The following ARSL variants were observed in gnomAD, a reference collection of about 807,000 sequenced individuals.
ARSL encodes arylsulfatase L.
Under a neutral mutation model 31.1 loss-of-function variants are expected in ARSL, and 4 were observed. The observed-to-expected ratio is 0.13, with a 90% CI of 0.06 to 0.29. The LOEUF (loss-of-function observed/expected upper bound fraction) is 0.29, where lower values mean the gene tolerates loss of function less well. ARSL is among the 10% of genes least tolerant of loss of function. The pLI, the probability that ARSL is intolerant of heterozygous loss-of-function variation, is 1.00. For synonymous variants in ARSL, 198 were observed against 209.9 expected, an observed-to-expected ratio of 0.94 and a Z score of 0.49; for missense variants, 312 against 497.8, an observed-to-expected ratio of 0.63 and a Z score of 3.55.
At chrX:2,959,262 G>C (rs1603462383) in intron 2 of ARSL, among the ~76,000 whole-genome samples, 1 of 111,888 alleles carries the variant, frequency 8.9e-6, no homozygotes, top group East Asian at 2.8e-4. Flanking sequence ...GTAGCACACA[G>C]ATGAAAATAC....
chrX:2,961,416 CCTAT>C (rs2089632065), intron 1 of ARSL, among the ~76,000 whole-genome samples: 2 of 111,444 alleles, frequency 1.8e-5, no homozygotes, highest in South Asian at 3.8e-4. Context: ...TGCCCAAATT[CCTAT>C]CTAAGGGGTC....
chrX:2,962,811 CAA>C (rs1191573129), intron 1 of ARSL, among the ~76,000 whole-genome samples: 6 of 110,811 alleles, frequency 5.4e-5, no homozygotes, highest in Admixed American at 2.9e-4. Flanking sequence ...CCATTCTAGT[CAA>C]AGTCCCCCCT....
chrX:2,959,232 A>T (rs763051107), intron 2 of ARSL, among the ~76,000 whole-genome samples: 1 of 111,644 alleles, frequency 9.0e-6, no homozygotes, highest in Non-Finnish European at 1.9e-5. Context: ...TTCTGAGTCT[A>T]TGAAAACCCT....
At chrX:2,954,072 T>C (rs2089494535) in intron 4 of ARSL, among the ~76,000 whole-genome samples, 1 of 111,217 alleles carries the variant, frequency 9.0e-6, no homozygotes, top group African/African-American at 3.3e-5. Flanking sequence ...CTAAAGGTTC[T>C]CAAAGTTGTC....
chrX:2,965,530 T>C (rs1439883378), upstream of ARSL, among the ~76,000 whole-genome samples: 3 of 89,518 alleles, frequency 3.4e-5, no homozygotes, highest in Non-Finnish European at 6.9e-5. Flanking sequence ...ATAATAAACA[T>C]AAGATAAAAA....
chrX:2,939,355 T>C (rs1043335436), intron 8 of ARSL, among the ~76,000 whole-genome samples: 2 of 112,251 alleles, frequency 1.8e-5, no homozygotes, highest in Non-Finnish European at 3.8e-5. Flanking sequence ...CTGAGACACG[T>C]TGATCTCAAA....
chrX:2,959,945 A>G (rs866092665), intron 2 of ARSL: 13 of 196,117 alleles, frequency 6.6e-5, no homozygotes, highest in South Asian at 2.5e-4. Flanking sequence ...GAGAGAGAGA[A>G]AGAAAGAAAG....
At chrX:2,960,217 C>G (rs752194853) in intron 2 of ARSL, among the ~76,000 whole-genome samples, 161 bp downstream of exon 2, 4 of 66,852 alleles carry the variant, frequency 6.0e-5, no homozygotes, top group South Asian at 1.1e-3. Context: ...TGCAGTGAGC[C>G]GAGATCGCGC....
At chrX:2,964,519 G>T (rs1304446424), upstream of ARSL, 23 of 736,834 alleles carry the variant, frequency 3.1e-5, no homozygotes, top group South Asian at 2.8e-4. Flanking sequence ...GTTTTGCCAT[G>T]TGGCCTAGGC....
At chrX:2,949,265 A>G (rs1410576980) in intron 6 of ARSL, 39 bp downstream of exon 6, 1 of 1,204,973 alleles carries the variant, frequency 8.3e-7, no homozygotes, top group Non-Finnish European at 1.1e-6. Flanking sequence ...TTCATTCCAA[A>G]GCTGAGTGCT....
In ARSL at chrX:2,960,159, C is replaced by T. The variant is rs371689942; in HGVS notation, c.23+219G>A. Among the ~76,000 whole-genome samples, 51 of 83,047 alleles carry T rather than the reference C, an allele frequency of 6.1e-4. 2 individuals are homozygous for T. In the East Asian group the frequency reaches 0.012, roughly 19 times the overall value. The allele number at this position is 83,047 out of a possible 115,157, so 72.1% of individuals were successfully genotyped here. A position where few individuals can be genotyped will look rare whatever the true frequency, so the allele number is the denominator to read the frequency against. ...TGGCAGGCGCCTGTAGTCCCAGCTA[C>T]TCGGGAGGCTGAGGCAGGAGAATGG... On this transcript the variant is annotated intron_variant, in intron 2 of 10. Coordinates refer to ENST00000381134, the MANE Select transcript of ARSL (RefSeq NM_000047.3).
At chrX:2,967,693 T>C (rs1408472433), upstream of ARSL, among the ~76,000 whole-genome samples, 5 of 112,533 alleles carry the variant, frequency 4.4e-5, no homozygotes, top group Non-Finnish European at 9.4e-5. Flanking sequence ...AGACTGACAA[T>C]ATAGCCTTTG....
chrX:2,965,227 G>A (rs556376092), upstream of ARSL, among the ~76,000 whole-genome samples: 32 of 111,694 alleles, frequency 2.9e-4, no homozygotes, highest in Middle Eastern at 9.2e-3. Flanking sequence ...AAGGCCAGGC[G>A]CAGTGGCTCA....
chrX:2,967,655 A>T (rs746985475), upstream of ARSL, among the ~76,000 whole-genome samples: 1 of 112,463 alleles, frequency 8.9e-6, no homozygotes, highest in Non-Finnish European at 1.9e-5. Flanking sequence ...ATAAAGATAA[A>T]AGAAGCAGAC....
chrX:2,943,037 TGAA>T (rs1405399758), intron 8 of ARSL, 25 bp downstream of exon 8: 1 of 1,209,391 alleles, frequency 8.3e-7, no homozygotes, highest in East Asian at 3.0e-5. Flanking sequence ...ACTTGCAAGA[TGAA>T]GATCTGGGAG....
At position 2,944,433 on chromosome X, in the gene ARSL, A is replaced by G. The variant is rs185599136; in HGVS notation, c.992-1234T>C. Among the ~76,000 whole-genome samples the G allele has an allele frequency of 8.9e-3, 916 of 102,753 alleles. 13 individuals are homozygous for G. The highest frequency in any genetic ancestry group is 0.034 in the East Asian group (110 of 3,238). 89.2% of individuals were successfully genotyped at this position (102,753 alleles called of 115,157 possible). Reference sequence around the variant, plus strand: ...CGTGCCATTGCACTCCAGCCTGGGCAACAGAGTGAGACTCGGTCTCAAAAA... The same window carrying G: ...CGTGCCATTGCACTCCAGCCTGGGCGACAGAGTGAGACTCGGTCTCAAAAA... On this transcript the variant is annotated intron_variant, in intron 7 of 10. Transcript: ENST00000381134.
intron 6 of ARSL, among the ~76,000 whole-genome samples, chrX:2,946,748 C>T (rs1437972459): frequency 2.7e-5 from 3 of 110,050 alleles, no homozygotes; most frequent in Non-Finnish European, 5.7e-5. Flanking sequence ...CAGCTCACTG[C>T]AACCTCTGCC....
chrX:2,939,583 C>T (rs137967227), intron 8 of ARSL, among the ~76,000 whole-genome samples: 4,965 of 110,806 alleles, frequency 0.045, 261 homozygotes, highest in African/African-American at 0.14. Context: ...TTATATATCC[C>T]GTTTTACATA....
chrX:2,941,030 T>C (rs2089272995), intron 8 of ARSL, among the ~76,000 whole-genome samples: 1 of 111,319 alleles, frequency 9.0e-6, no homozygotes, highest in African/African-American at 3.3e-5. Context: ...ACCATCTGAA[T>C]GGACTTCCTC....
Sources: gnomAD v4.1 joint callset for allele counts (sites outside exome capture counted in the v4.1 genomes callset) on GRCh38, gnomAD v4.1.1 for gene constraint, MANE v1.5 for transcripts, NCBI Gene and HGNC (gene_info 2026-07-23, HGNC 2026-07-21) for gene names.